The following GTF3C4 variants were observed in gnomAD, a reference collection of about 807,000 sequenced individuals.
GTF3C4 encodes general transcription factor 3C polypeptide 4.
GTF3C4 carries 28 observed loss-of-function variants against 67.5 expected under a neutral mutation model. That is an observed-to-expected ratio of 0.41 (90% confidence interval 0.31 to 0.57). GTF3C4 has a LOEUF of 0.57. GTF3C4 is among the 20% of genes least tolerant of loss of function. The pLI is 0.21. For synonymous variants in GTF3C4, 409 were observed against 393.0 expected, an observed-to-expected ratio of 1.04 and a Z score of -0.48; for missense variants, 831 against 1,033.2, an observed-to-expected ratio of 0.80 and a Z score of 2.68.
intron 3 of GTF3C4, among the ~76,000 whole-genome samples, chr9:132,685,483 G>T (rs1391734297): frequency 1.3e-5 from 2 of 149,198 alleles, no homozygotes; most frequent in Non-Finnish European, 1.5e-5. Context: ...ATTATAATTT[G>T]TTTTTTTTCC....
intron 3 of GTF3C4, among the ~76,000 whole-genome samples, chr9:132,684,073 C>T (rs1047548500): frequency 5.9e-5 from 9 of 152,130 alleles, no homozygotes; most frequent in Non-Finnish European, 8.8e-5. Context: ...ACCTGCCTTC[C>T]GGGACACAGC....
At position 132,670,641 on chromosome 9, in the gene GTF3C4, G is replaced by C. The variant is rs1020110450; in HGVS notation, c.43G>C (p.Gly15Arg). The C allele has an allele frequency of 3.1e-5, 45 of 1,450,760 alleles. 1 individual carries two copies. Among genetic ancestry groups the C allele is most frequent in the Non-Finnish European group, 3.9e-5 (44 of 1,113,928 alleles). 89.9% of individuals were successfully genotyped at this position (1,450,760 alleles called of 1,614,324 possible). A position where few individuals can be genotyped will look rare whatever the true frequency, so the allele number is the denominator to read the frequency against. The change falls in exon 1 of 5, where the codon GGG (glycine) becomes CGG (arginine). Residue 15 changes from glycine (G) to arginine (R), a missense_variant. This residue lies in a region of GTF3C4 where 237 missense variants were observed against 212.7 expected (regional missense o/e 1.11). Coordinates refer to ENST00000372146, the MANE Select transcript of GTF3C4 (RefSeq NM_012204.4). ...GGCCCGGGTGGGGCCCGCGGACGAC[G>C]GGCCTGCGCCGTCTGGGGAGGAGGA... ...DQARVGPADDGPAPSGEEEGE... is the reference protein window; with the variant it reads ...DQARVGPADDRPAPSGEEEGE...
chr9:132,670,655 T>TGGG lies in GTF3C4; in HGVS notation c.59_61dup (p.Gly20dup). The TGGG allele has an allele frequency of 6.9e-7, 1 of 1,458,602 alleles. No homozygotes were observed. Among genetic ancestry groups the TGGG allele is most frequent in the Non-Finnish European group, 9.0e-7 (1 of 1,114,932 alleles). 90.4% of individuals were successfully genotyped at this position (1,458,602 alleles called of 1,614,324 possible). ...CCGCGGACGACGGGCCTGCGCCGTC[T>TGGG]GGGGAGGAGGAGGGAGAGGGGGGCG... On this transcript the variant is annotated inframe_insertion, in exon 1 of 5. Coordinates refer to ENST00000372146, the MANE Select transcript of GTF3C4 (RefSeq NM_012204.4).
chr9:132,684,043 C>T (rs1835987743), intron 3 of GTF3C4, among the ~76,000 whole-genome samples: 1 of 152,194 alleles, frequency 6.6e-6, no homozygotes, highest in Non-Finnish European at 1.5e-5. Flanking sequence ...CAATTACTCC[C>T]TCCTTGAAGC....
At chr9:132,682,926 G>C (rs1239976961) in intron 2 of GTF3C4, among the ~76,000 whole-genome samples, 1 of 152,082 alleles carries the variant, frequency 6.6e-6, no homozygotes, top group African/African-American at 2.4e-5. Context: ...TTAAAGCAGA[G>C]AAAAGCAAAA....
rs951438053 is a variant in GTF3C4 at position 132,694,199 on chromosome 9, A to G, written c.*5254A>G. 6.6e-6 allele frequency: 1 copy of G among 152,152 alleles called. No individual in the cohort carries two copies. Among genetic ancestry groups the G allele is most frequent in the African/African-American group, 2.4e-5 (1 of 41,442 alleles). The allele number at this position is 152,152 out of a possible 1,614,324, so 9.4% of individuals were successfully genotyped here. On this transcript the variant is annotated 3_prime_UTR_variant, in exon 5 of 5. Coordinates refer to ENST00000372146, the MANE Select transcript of GTF3C4 (RefSeq NM_012204.4). The stretch of plus-strand genomic sequence containing the variant: ...TTGGTGACTTCTCTCCATTGTATAT[A>G]TGTACATAGTTTTCATTACTAGATT...
chr9:132,682,853 C>T (rs769541793), intron 2 of GTF3C4, among the ~76,000 whole-genome samples: 3 of 152,166 alleles, frequency 2.0e-5, no homozygotes, highest in Non-Finnish European at 2.9e-5. Context: ...ATCCACCCGC[C>T]TTGGCCTCCC....
chr9:132,670,341 G>T, upstream of GTF3C4: 1 of 1,429,022 alleles, frequency 7.0e-7, no homozygotes, highest in Non-Finnish European at 9.2e-7. Context: ...ACAGGCTCTG[G>T]AGCTCAATCC....
At chr9:132,681,432 A>G (rs987953092) in intron 2 of GTF3C4, among the ~76,000 whole-genome samples, 1 of 152,188 alleles carries the variant, frequency 6.6e-6, no homozygotes, top group Non-Finnish European at 1.5e-5. Context: ...ATCCAACTAT[A>G]TGCATAAAAT....
In GTF3C4 at chr9:132,679,487, A is replaced by G; in HGVS notation, c.1868A>G (p.Glu623Gly). The change falls in exon 2 of 5, where the codon GAA becomes GGA. Residue 623 changes from glutamate to glycine, a missense_variant. By Grantham distance (98) the Glu-to-Gly change is moderately conservative. Transcript: ENST00000372146. The surrounding 1 kb of genome is among the most constrained non-coding windows in gnomAD (Gnocchi z 5.9). ...GMGNADDEQQEEGTSSKQVVK... is the reference protein window; with the variant it reads ...GMGNADDEQQGEGTSSKQVVK... The stretch of plus-strand genomic sequence containing the variant: ...GGCAATGCTGACGATGAACAGCAGG[A>G]AGAAGGCACTTCTTCCAAACAGGTG... The G allele has an allele frequency of 6.2e-7, 1 of 1,614,186 alleles. No homozygotes were observed. Among genetic ancestry groups the G allele is most frequent in the Non-Finnish European group, 8.5e-7 (1 of 1,180,026 alleles).
At position 132,694,886 on chromosome 9, in the gene GTF3C4, A is replaced by G. The variant is rs1836173616; in HGVS notation, c.*5941A>G. 6.6e-6 allele frequency: 1 copy of G among 152,252 alleles called. No homozygotes were observed. Among genetic ancestry groups the G allele is most frequent in the Non-Finnish European group, 1.5e-5 (1 of 68,048 alleles). 9.4% of individuals were successfully genotyped at this position (152,252 alleles called of 1,614,324 possible). A position where few individuals can be genotyped will look rare whatever the true frequency, so the allele number is the denominator to read the frequency against. On this transcript the variant is annotated 3_prime_UTR_variant, in exon 5 of 5. Coordinates refer to ENST00000372146, the MANE Select transcript of GTF3C4 (RefSeq NM_012204.4). ...TAACCTTGAATATGTTGTGGTTTGT[A>G]TACAGAGCCATTAGTATTGTTATTT...
chr9:132,688,129 A>G (rs191041745), intron 4 of GTF3C4, among the ~76,000 whole-genome samples: 1 of 152,364 alleles, frequency 6.6e-6, no homozygotes, highest in East Asian at 1.9e-4. Flanking sequence ...ACAATCATAC[A>G]CAAAAGGAAA....
In GTF3C4 at chr9:132,678,306, G is replaced by C. The variant is rs138509726; in HGVS notation, c.687G>C (p.Pro229=). Residue 229 remains proline (P), a synonymous_variant, in exon 2 of 5, where the codon CCG becomes CCC. Transcript: ENST00000372146. The surrounding 1 kb of genome is among the most constrained non-coding windows in gnomAD (Gnocchi z 6.5). ...ACAGGCTCTCTAAAAATGAGGCCCCGGAAGGAAATCTCGGGGATTTTGCTG... is the reference window on the plus strand; with the variant it reads ...ACAGGCTCTCTAAAAATGAGGCCCCCGAAGGAAATCTCGGGGATTTTGCTG... ...TSYRLSKNEA[P]EGNLGDFAEF... is the part of the protein sequence containing the mutation. 1,574 of 1,614,146 alleles carry C rather than the reference G, an allele frequency of 9.8e-4. 1 individual carries two copies. The highest frequency in any genetic ancestry group is 1.3e-3 in the Non-Finnish European group (1,486 of 1,180,028).
rs1590127560 is a variant in GTF3C4, at chr9:132,670,501, C to T, written c.-98C>T. 1 of 1,106,814 alleles carries T rather than the reference C, an allele frequency of 9.0e-7. No homozygotes were observed. Among genetic ancestry groups the T allele is most frequent in the Non-Finnish European group, 1.2e-6 (1 of 830,300 alleles). The allele number at this position is 1,106,814 out of a possible 1,614,324, so 68.6% of individuals were successfully genotyped here. On this transcript the variant is annotated 5_prime_UTR_variant, in exon 1 of 5. Transcript: ENST00000372146. ...GCGCTCGGGGCCTGAGGGGAGAAAA[C>T]CGCCGCGGAGGGCGCTGGGGGTGGC...
intron 1 of GTF3C4, among the ~76,000 whole-genome samples, chr9:132,673,752 C>A (rs756040493): frequency 1.2e-4 from 19 of 152,132 alleles, no homozygotes; most frequent in Non-Finnish European, 2.4e-4. Context: ...CTCTATAATT[C>A]TGTTATTTAG....
intron 4 of GTF3C4, among the ~76,000 whole-genome samples, chr9:132,687,843 A>C (rs554713965): frequency 1.3e-5 from 2 of 152,162 alleles, no homozygotes; most frequent in Non-Finnish European, 2.9e-5. Context: ...AAGATTGTAG[A>C]GTGGGCAGGA....
chr9:132,674,749 G>T (rs1283606408), intron 1 of GTF3C4, among the ~76,000 whole-genome samples: 1 of 152,156 alleles, frequency 6.6e-6, no homozygotes, highest in African/African-American at 2.4e-5. Flanking sequence ...TTTACTTAAG[G>T]CTGAGTGCTG....
chr9:132,679,681 A>G lies in GTF3C4; in HGVS notation c.2062A>G (p.Met688Val). 1 of 1,614,178 alleles carries G rather than the reference A, an allele frequency of 6.2e-7. No homozygotes were observed. Among genetic ancestry groups the G allele is most frequent in the Non-Finnish European group, 8.5e-7 (1 of 1,180,030 alleles). The change falls in exon 2 of 5, where the codon ATG (methionine) becomes GTG (valine). Residue 688 changes from methionine (M) to valine (V), a missense_variant. Physicochemically the swap from Met to Val is conservative, Grantham distance 21. This residue lies in a region of GTF3C4 where 129 missense variants were observed against 213.8 expected (regional missense o/e 0.60). Transcript: ENST00000372146. This position sits in a 1 kb window ranked among gnomAD's most constrained non-coding sequence, Gnocchi z 5.9. Reference protein sequence around the residue: ...AVEMHLTREHMKRVLGEVYLH... With the variant: ...AVEMHLTREHVKRVLGEVYLH... ...GGAGATGCACTTGACCAGGGAACAC[A>G]TGAAGCGAGTCTTAGGAGAAGTGTA... is the stretch of plus-strand genomic sequence containing the variant.
At position 132,689,035 on chromosome 9, in the gene GTF3C4, C is replaced by A; in HGVS notation, c.*90C>A. 2.1e-6 allele frequency: 2 copies of A among 957,906 alleles called. No individual in the cohort carries two copies. Among genetic ancestry groups the A allele is most frequent in the Non-Finnish European group, 3.4e-6 (2 of 596,108 alleles). The allele number at this position is 957,906 out of a possible 1,614,324, so 59.3% of individuals were successfully genotyped here. A position where few individuals can be genotyped will look rare whatever the true frequency, so the allele number is the denominator to read the frequency against. Reference sequence around the variant, plus strand: ...GAAGAGAAGGATGCACTGGAGGAAGCCGGACCCTCACGAGTGGAGAGAAGT... The same window carrying A: ...GAAGAGAAGGATGCACTGGAGGAAGACGGACCCTCACGAGTGGAGAGAAGT... On this transcript the variant is annotated 3_prime_UTR_variant, in exon 5 of 5. Transcript: ENST00000372146.
Sources: allele counts gnomAD v4.1 joint callset (sites outside exome capture counted in the v4.1 genomes callset), GRCh38; gene constraint gnomAD v4.1.1; regional missense constraint gnomAD v4.1.1; non-coding constraint Gnocchi (gnomAD v3.1); transcripts MANE v1.5; gene names NCBI Gene and HGNC (gene_info 2026-07-23, HGNC 2026-07-21).